NR5A2: variants seen among roughly 807,000 people sequenced by gnomAD.
NR5A2 encodes the protein nuclear receptor subfamily 5 group A member 2.
Under a neutral mutation model 62.7 loss-of-function variants are expected in NR5A2, and 26 were observed. The ratio of observed to expected loss-of-function variants is 0.41; its 90% confidence interval spans 0.30 to 0.58. The LOEUF is 0.58. NR5A2 is among the 20% of genes least tolerant of loss of function. The pLI, the probability that NR5A2 is intolerant of heterozygous loss-of-function variation, is 0.22. For missense variants in NR5A2, 541 were observed against 669.1 expected (o/e 0.81, Z 2.11); for synonymous variants, 246 against 241.7 (o/e 1.02, Z -0.16).
chr1:200,063,676 G>A (rs575942709), intron 5 of NR5A2, among the ~76,000 whole-genome samples: 1 of 152,232 alleles, frequency 6.6e-6, no homozygotes, highest in Non-Finnish European at 1.5e-5. Flanking sequence ...TTTTACTGGG[G>A]TGTAGTATTT....
chr1:200,068,316 T>G (rs1663588807), intron 5 of NR5A2, among the ~76,000 whole-genome samples: 1 of 152,192 alleles, frequency 6.6e-6, no homozygotes, highest in Non-Finnish European at 1.5e-5. Flanking sequence ...CATAAATATG[T>G]CATACATATC....
At chr1:200,145,852 G>A (rs146103620) in intron 7 of NR5A2, among the ~76,000 whole-genome samples, 8 of 152,212 alleles carry the variant, frequency 5.3e-5, no homozygotes, top group Non-Finnish European at 8.8e-5. Flanking sequence ...GAAAGTAACT[G>A]CAAGAAGGGC....
At chr1:200,154,496 G>A (rs1377367387) in intron 7 of NR5A2, among the ~76,000 whole-genome samples, 1 of 152,164 alleles carries the variant, frequency 6.6e-6, no homozygotes, top group Non-Finnish European at 1.5e-5. Flanking sequence ...CCAGAGAGAT[G>A]GTGGTGGTCT....
At chr1:200,099,487 C>T (rs1037530729) in intron 5 of NR5A2, among the ~76,000 whole-genome samples, 2 of 152,144 alleles carry the variant, frequency 1.3e-5, no homozygotes, top group Non-Finnish European at 2.9e-5. Context: ...CAAGGACCTT[C>T]ATTGTGCATC....
chr1:200,082,357 A>G (rs1664336914), intron 5 of NR5A2, among the ~76,000 whole-genome samples: 1 of 152,222 alleles, frequency 6.6e-6, no homozygotes, highest in South Asian at 2.1e-4. Flanking sequence ...CTTGAAGAAC[A>G]AAAAATATAT....
Position 200,039,521 on chromosome 1 carries a change from A to G in NR5A2, c.65-137A>G. On this transcript the variant is annotated intron_variant, in intron 1 of 7. Coordinates refer to ENST00000367362, the MANE Select transcript of NR5A2 (RefSeq NM_205860.3). The surrounding 1 kb of genome is among the most constrained non-coding windows in gnomAD (Gnocchi z 5.1). Reference sequence around the variant, plus strand: ...CGGCTCCGGAGCTGCGAGACCGGACAGGGCTCAGAGGTCCTGCCCGGCAGC... The same window carrying G: ...CGGCTCCGGAGCTGCGAGACCGGACGGGGCTCAGAGGTCCTGCCCGGCAGC... 4.1e-6 allele frequency: 5 copies of G among 1,210,766 alleles called. No homozygotes were observed. Among genetic ancestry groups the G allele is most frequent in the Admixed American group, 2.2e-5 (1 of 45,822 alleles). The allele number at this position is 1,210,766 out of a possible 1,614,324, so 75.0% of individuals were successfully genotyped here.
intron 7 of NR5A2, among the ~76,000 whole-genome samples, chr1:200,144,225 TCTCTCTCTCACA>T (rs1034720003): frequency 2.5e-4 from 10 of 39,394 alleles, no homozygotes; most frequent in African/African-American, 6.4e-4. Context: ...TCTCTCTCTC[TCTCTCTCTCACA>T]CACACACACA....
intron 7 of NR5A2, among the ~76,000 whole-genome samples, chr1:200,137,294 G>T (rs1667266006): frequency 6.6e-6 from 1 of 151,304 alleles, no homozygotes; most frequent in Non-Finnish European, 1.5e-5. Context: ...GATATTACAG[G>T]TGCACACCAC....
At chr1:200,041,718 A>T (rs1662093488) in intron 2 of NR5A2, among the ~76,000 whole-genome samples, 1 of 152,178 alleles carries the variant, frequency 6.6e-6, no homozygotes, top group Non-Finnish European at 1.5e-5. Context: ...GCACCAGAGC[A>T]TCTGGGAAAC....
intron 6 of NR5A2, among the ~76,000 whole-genome samples, chr1:200,111,725 G>A (rs1352524099): frequency 2.0e-5 from 3 of 152,156 alleles, no homozygotes; most frequent in South Asian, 2.1e-4. Context: ...ATTGGTGAAC[G>A]AGATGGATTT....
At chr1:200,124,171 A>G (rs1214317576) in intron 7 of NR5A2, among the ~76,000 whole-genome samples, 1 of 152,178 alleles carries the variant, frequency 6.6e-6, no homozygotes, top group Non-Finnish European at 1.5e-5. Flanking sequence ...ATAGGTTTCA[A>G]GCCACAAGAT....
intron 7 of NR5A2, among the ~76,000 whole-genome samples, chr1:200,163,406 G>A (rs1347588274): frequency 1.3e-5 from 2 of 151,840 alleles, no homozygotes; most frequent in East Asian, 3.9e-4. Flanking sequence ...TAGGAATACA[G>A]CTGCACATAA....
intron 3 of NR5A2, 46 bp from the exon 4 acceptor site, chr1:200,045,396 CG>C (rs771720018): frequency 2.5e-5 from 37 of 1,489,790 alleles, no homozygotes; most frequent in Non-Finnish European, 2.7e-5. Flanking sequence ...ATGGAAAAGA[CG>C]GGTGTTAGAT....
At chr1:200,068,940 T>C (rs1466270813) in intron 5 of NR5A2, among the ~76,000 whole-genome samples, 1 of 152,242 alleles carries the variant, frequency 6.6e-6, no homozygotes, top group Non-Finnish European at 1.5e-5. Flanking sequence ...ACATCTGTAG[T>C]GAGTTTTTCT....
chr1:200,166,078 A>T (rs1161262310), intron 7 of NR5A2, among the ~76,000 whole-genome samples: 1 of 152,130 alleles, frequency 6.6e-6, no homozygotes, highest in East Asian at 1.9e-4. Flanking sequence ...CCTTTTTGTG[A>T]CTGGCTTATT....
At chr1:200,028,425 C>CAAAAAAAAAA (rs67706127) in intron 1 of NR5A2, among the ~76,000 whole-genome samples, 1 of 83,636 alleles carries the variant, frequency 1.2e-5, no homozygotes, top group Non-Finnish European at 2.7e-5. Context: ...CCCCCACCTC[C>CAAAAAAAAAA]AAAAAAAAAA....
At chr1:200,096,626 C>A (rs866577184) in intron 5 of NR5A2, among the ~76,000 whole-genome samples, 1 of 152,266 alleles carries the variant, frequency 6.6e-6, no homozygotes, top group Middle Eastern at 3.4e-3. Context: ...AGCAAAACAG[C>A]CAACCAACTC....
intron 5 of NR5A2, among the ~76,000 whole-genome samples, chr1:200,091,550 T>C (rs1328706599): frequency 1.3e-5 from 2 of 150,506 alleles, no homozygotes; most frequent in Non-Finnish European, 3.0e-5. Flanking sequence ...AGTGGCGTGA[T>C]CTCGGCTCAC....
intron 1 of NR5A2, chr1:200,038,812 A>C: frequency 1.7e-6 from 2 of 1,210,012 alleles, no homozygotes; most frequent in African/African-American, 1.6e-5. Flanking sequence ...GCCCCGGGCC[A>C]GGGTGGGGTG....
Sources: allele counts gnomAD v4.1 joint callset (sites outside exome capture counted in the v4.1 genomes callset), GRCh38; gene constraint gnomAD v4.1.1; non-coding constraint Gnocchi (gnomAD v3.1); transcripts MANE v1.5; gene names NCBI Gene and HGNC (gene_info 2026-07-23, HGNC 2026-07-21).